Variants in NSMCE2 observed in about 807,000 individuals in gnomAD.
NSMCE2 encodes the protein NSE2 SUMO ligase component of SMC5/6 complex, also known as E3 SUMO-protein ligase NSE2.
A neutral mutation model predicts 23.8 loss-of-function variants in NSMCE2; 24 were observed. That is an observed-to-expected ratio of 1.01 (90% CI 0.73 to 1.42). The LOEUF is 1.42. Ranked by LOEUF, NSMCE2 falls within the 40% of genes most tolerant of loss-of-function variation. NSMCE2 has a pLI of 0.00. For synonymous variants in NSMCE2, 92 were observed against 94.1 expected, an observed-to-expected ratio of 0.98 and a Z score of 0.13; for missense variants, 284 against 296.5, an observed-to-expected ratio of 0.96 and a Z score of 0.31.
At chr8:125,126,695 C>T (rs1461803397) in intron 3 of NSMCE2, among the ~76,000 whole-genome samples, 2 of 152,110 alleles carry the variant, frequency 1.3e-5, no homozygotes, top group African/African-American at 2.4e-5. Flanking sequence ...GGAATCAGGT[C>T]GCTAGGTTCA....
chr8:125,174,132 A>G (rs1420722210), intron 4 of NSMCE2, among the ~76,000 whole-genome samples: 1 of 152,134 alleles, frequency 6.6e-6, no homozygotes, highest in Non-Finnish European at 1.5e-5. Context: ...TTCTCCCAGC[A>G]CTTGATATAT....
chr8:125,179,484 AAT>A (rs1171376414), intron 4 of NSMCE2, among the ~76,000 whole-genome samples: 1 of 152,212 alleles, frequency 6.6e-6, no homozygotes, highest in African/African-American at 2.4e-5. Flanking sequence ...ACCATTAAAA[AAT>A]AGTTAGTGCC....
At chr8:125,147,147 G>A (rs1820731621) in intron 3 of NSMCE2, among the ~76,000 whole-genome samples, 1 of 152,070 alleles carries the variant, frequency 6.6e-6, no homozygotes. Flanking sequence ...TTTGAACATC[G>A]TTGTGTGATT....
intron 4 of NSMCE2, among the ~76,000 whole-genome samples, chr8:125,181,705 A>G (rs1283362867): frequency 6.6e-6 from 1 of 152,074 alleles, no homozygotes; most frequent in Non-Finnish European, 1.5e-5. Context: ...AGGGCCAAAA[A>G]AAAAAAAATG....
intron 5 of NSMCE2, among the ~76,000 whole-genome samples, chr8:125,212,951 G>A (rs779175245): frequency 6.6e-6 from 1 of 152,060 alleles, no homozygotes; most frequent in South Asian, 2.1e-4. Context: ...CTTATATGTT[G>A]TAGACTTAAT....
At chr8:125,168,109 A>G (rs746029626) in intron 4 of NSMCE2, among the ~76,000 whole-genome samples, 1 of 152,212 alleles carries the variant, frequency 6.6e-6, no homozygotes, top group Non-Finnish European at 1.5e-5. Context: ...TTTAATTTCT[A>G]TGAAAGATTT....
intron 5 of NSMCE2, among the ~76,000 whole-genome samples, chr8:125,316,609 C>G (rs1457933634): frequency 8.8e-6 from 1 of 113,522 alleles, no homozygotes; most frequent in Non-Finnish European, 2.1e-5. Context: ...TCCTTCTTTC[C>G]TTTCTTTATT....
chr8:125,260,930 C>T lies in NSMCE2; in HGVS notation c.418+78674C>T, dbSNP rs930050507. 3.3e-5 allele frequency among the ~76,000 whole-genome samples: 5 copies of T among 151,888 alleles called. No homozygotes were observed. In the East Asian group the frequency reaches 9.6e-4, roughly 29 times the overall value. ...TGAGCCATCATGCCTGGCCAAATTT[C>T]TTAATTTCAGATATACCCTATGGCA... On this transcript the variant is annotated intron_variant, in intron 5 of 7. Transcript: ENST00000287437.
intron 3 of NSMCE2, among the ~76,000 whole-genome samples, chr8:125,108,701 T>G (rs1818587578): frequency 6.6e-6 from 1 of 152,200 alleles, no homozygotes; most frequent in Non-Finnish European, 1.5e-5. Flanking sequence ...GCCTGTGATG[T>G]GAAGAGGGTA....
intron 5 of NSMCE2, among the ~76,000 whole-genome samples, chr8:125,355,699 CAAA>C (rs140692089): frequency 8.6e-5 from 4 of 46,752 alleles, no homozygotes; most frequent in African/African-American, 8.1e-5. Flanking sequence ...GACTCCATCT[CAAA>C]AAAAAAAAAA....
At chr8:125,162,769 A>C (rs1354008170) in intron 4 of NSMCE2, among the ~76,000 whole-genome samples, 1 of 152,178 alleles carries the variant, frequency 6.6e-6, no homozygotes, top group Non-Finnish European at 1.5e-5. Flanking sequence ...AACTCCTCTA[A>C]ACCACCTAAA....
At chr8:125,330,772 T>A (rs1829845726) in intron 5 of NSMCE2, among the ~76,000 whole-genome samples, 1 of 152,140 alleles carries the variant, frequency 6.6e-6, no homozygotes, top group South Asian at 2.1e-4. Context: ...GGAGGAGTGA[T>A]GATCACCCAA....
intron 5 of NSMCE2, among the ~76,000 whole-genome samples, chr8:125,205,503 C>A (rs1824076602): frequency 6.6e-6 from 1 of 152,078 alleles, no homozygotes; most frequent in South Asian, 2.1e-4. Flanking sequence ...ATGGTGCATC[C>A]CAGGAGACAC....
chr8:125,217,366 ATT>A (rs1824639962), intron 5 of NSMCE2, among the ~76,000 whole-genome samples: 1 of 142,848 alleles, frequency 7.0e-6, no homozygotes, highest in African/African-American at 2.6e-5. Context: ...TTTATTTTTT[ATT>A]TATTTATTTT....
chr8:125,141,791 A>G (rs1339729975), intron 3 of NSMCE2, among the ~76,000 whole-genome samples: 1 of 152,164 alleles, frequency 6.6e-6, no homozygotes, highest in African/African-American at 2.4e-5. Context: ...GACACAGTTC[A>G]AGTTTGCCCT....
At chr8:125,123,327 TAGTTCCACAATATTTACTA>T (rs775251225) in intron 3 of NSMCE2, among the ~76,000 whole-genome samples, 26 of 152,238 alleles carry the variant, frequency 1.7e-4, no homozygotes, top group Admixed American at 3.3e-4. Flanking sequence ...TTTCTGAAGT[TAGTTCCACAATATTTACTA>T]AGTTCCACAA....
chr8:125,330,578 G>C (rs1358230555), intron 5 of NSMCE2, among the ~76,000 whole-genome samples: 5 of 152,248 alleles, frequency 3.3e-5, no homozygotes, highest in South Asian at 4.2e-4. Context: ...GAGAAACACA[G>C]ATCTGCTCTG....
intron 5 of NSMCE2, among the ~76,000 whole-genome samples, chr8:125,235,244 T>TAA (rs60442484): frequency 2.0e-4 from 28 of 141,534 alleles, no homozygotes; most frequent in East Asian, 4.1e-4. Flanking sequence ...CCATCTCAAT[T>TAA]AAAAAAAAAA....
intron 4 of NSMCE2, chr8:125,155,928 A>C (rs1821281021): frequency 4.5e-6 from 2 of 446,966 alleles, no homozygotes; most frequent in Admixed American, 4.9e-5. Context: ...GCTAAATGAG[A>C]ATGACCCAAC....
Sources: allele counts gnomAD v4.1 joint callset (sites outside exome capture counted in the v4.1 genomes callset), GRCh38; gene constraint gnomAD v4.1.1; transcripts MANE v1.5; gene names NCBI Gene and HGNC (gene_info 2026-07-23, HGNC 2026-07-21).